The following TBCEL variants were observed in gnomAD, a reference collection of about 807,000 sequenced individuals.
The protein encoded by TBCEL is tubulin-specific chaperone cofactor E-like protein.
TBCEL carries 15 observed loss-of-function variants against 44.2 expected under a neutral mutation model. The observed-to-expected ratio is 0.34, with a 90% CI of 0.23 to 0.52. TBCEL has a LOEUF of 0.52. Among genes scored for constraint, TBCEL ranks in the 20% least tolerant of loss-of-function variants. The pLI is 0.95. For synonymous variants in TBCEL, 171 were observed against 185.4 expected (o/e 0.92, Z 0.63); for missense variants, 319 against 506.3 (o/e 0.63, Z 3.55).
At chr11:121,076,830 C>T (rs1456758050) in intron 8 of TBCEL, among the ~76,000 whole-genome samples, 1 of 151,924 alleles carries the variant, frequency 6.6e-6, no homozygotes, top group Non-Finnish European at 1.5e-5. Context: ...AAGGACATTT[C>T]CTTCTATTCC....
chr11:121,049,809 T>C (rs1945497594), intron 4 of TBCEL, among the ~76,000 whole-genome samples: 1 of 151,802 alleles, frequency 6.6e-6, no homozygotes, highest in South Asian at 2.1e-4. Flanking sequence ...GTGTGTAATA[T>C]GGATCAGTAT....
At chr11:121,044,887 T>C (rs1276993930) in intron 2 of TBCEL, among the ~76,000 whole-genome samples, 2 of 152,088 alleles carry the variant, frequency 1.3e-5, no homozygotes, top group African/African-American at 4.8e-5. Flanking sequence ...AACTAAAAAA[T>C]TGAGAAGAAC....
chr11:121,035,861 A>G (rs1591381132), intron 1 of TBCEL: 1 of 152,344 alleles, frequency 6.6e-6, no homozygotes, highest in African/African-American at 2.4e-5. Flanking sequence ...TAGACCACTC[A>G]GTACTGTTGC....
At chr11:121,055,339 G>A in intron 6 of TBCEL, 31 bp downstream of exon 6, 2 of 1,548,036 alleles carry the variant, frequency 1.3e-6, no homozygotes, top group Non-Finnish European at 8.8e-7. Flanking sequence ...TATTCTACAT[G>A]CAAATTAACC....
At position 121,080,274 on chromosome 11, in the gene TBCEL, C is replaced by T. The variant is rs151307024; in HGVS notation, c.957-6504C>T. 2.8e-4 allele frequency among the ~76,000 whole-genome samples: 42 copies of T among 152,196 alleles called. No homozygotes were observed. The East Asian group carries it at 7.7e-3, about 28-fold the overall frequency. On this transcript the variant is annotated intron_variant, in intron 8 of 8. Coordinates refer to ENST00000683345, the MANE Select transcript of TBCEL (RefSeq NM_001363644.2). ...ATAGCATTACCTAGAGTAAAGACTT[C>T]GGTTGATTCAATGTGTGTCTGCATT...
chr11:121,067,698 C>T (rs977630463), intron 8 of TBCEL, among the ~76,000 whole-genome samples: 3 of 152,112 alleles, frequency 2.0e-5, no homozygotes, highest in Non-Finnish European at 4.4e-5. Flanking sequence ...TATGCTGTTT[C>T]CAGATAAGTT....
At chr11:121,086,702 T>C in intron 8 of TBCEL, 76 bp from the exon 9 acceptor site, 1 of 1,065,492 alleles carries the variant, frequency 9.4e-7, no homozygotes, top group Admixed American at 2.4e-5. Context: ...TAATATTGTT[T>C]ATCTGTAGTT....
intron 2 of TBCEL, among the ~76,000 whole-genome samples, chr11:121,039,946 A>G (rs1467257342): frequency 6.6e-6 from 1 of 152,212 alleles, no homozygotes; most frequent in Non-Finnish European, 1.5e-5. Flanking sequence ...CTTGTCAAAT[A>G]ACTGAAGGTA....
At chr11:121,047,881 A>T in intron 4 of TBCEL, 1 of 377,852 alleles carries the variant, frequency 2.6e-6, no homozygotes. Flanking sequence ...GGATCACTTG[A>T]GCCCAGGAAT....
At chr11:121,054,372 AC>A (rs1472972807) in intron 5 of TBCEL, among the ~76,000 whole-genome samples, 4 of 151,578 alleles carry the variant, frequency 2.6e-5, no homozygotes, top group African/African-American at 9.7e-5. Context: ...TTAATTTCAC[AC>A]TCTAACTCTA....
chr11:121,059,826 T>C, intron 7 of TBCEL, 143 bp from the exon 8 acceptor site: 1 of 606,064 alleles, frequency 1.6e-6, no homozygotes, highest in Non-Finnish European at 2.8e-6. Flanking sequence ...CTTTAGTTCA[T>C]GTCAGTAGTT....
At chr11:121,051,942 T>C (rs1296885846) in intron 4 of TBCEL, among the ~76,000 whole-genome samples, 1 of 151,792 alleles carries the variant, frequency 6.6e-6, no homozygotes, top group East Asian at 1.9e-4. Flanking sequence ...GATTACTTTT[T>C]CTTTCTACCC....
At chr11:121,064,185 G>A (rs568002939) in intron 8 of TBCEL, among the ~76,000 whole-genome samples, 3 of 152,314 alleles carry the variant, frequency 2.0e-5, no homozygotes, top group South Asian at 4.1e-4. Flanking sequence ...AGTTTTGCAA[G>A]TTAGTCACTA....
chr11:121,043,850 G>A (rs113999835), intron 2 of TBCEL, among the ~76,000 whole-genome samples: 2,178 of 151,908 alleles, frequency 0.014, 56 homozygotes, highest in African/African-American at 0.05. Context: ...TTTATATATC[G>A]TAATGGTGTC....
chr11:121,052,934 C>A (rs530164367), intron 4 of TBCEL, among the ~76,000 whole-genome samples: 11 of 151,804 alleles, frequency 7.2e-5, no homozygotes, highest in Admixed American at 5.3e-4. Context: ...TTTTGTCTAC[C>A]AAGTTGCTAG....
intron 2 of TBCEL, among the ~76,000 whole-genome samples, chr11:121,040,098 A>G (rs1020523118): frequency 1.1e-4 from 16 of 152,170 alleles, no homozygotes; most frequent in Admixed American, 6.5e-5. Flanking sequence ...TCAGTTCCCA[A>G]CTATCTACTA....
At chr11:121,078,819 T>G (rs1009984127) in intron 8 of TBCEL, among the ~76,000 whole-genome samples, 2 of 152,350 alleles carry the variant, frequency 1.3e-5, no homozygotes, top group East Asian at 3.9e-4. Flanking sequence ...CTGTTCAGTT[T>G]CTGGTCCATG....
chr11:121,052,115 C>T (rs375463608), intron 4 of TBCEL, among the ~76,000 whole-genome samples: 6 of 151,596 alleles, frequency 4.0e-5, no homozygotes, highest in Non-Finnish European at 7.4e-5. Context: ...TCAGTGATTC[C>T]GATGGGTAGC....
intron 8 of TBCEL, among the ~76,000 whole-genome samples, chr11:121,062,822 TTG>T (rs1404664349): frequency 1.3e-5 from 2 of 152,182 alleles, no homozygotes. Context: ...TGAACTCTTG[TTG>T]TGCTTCATAT....
Sources: allele counts gnomAD v4.1 joint callset (sites outside exome capture counted in the v4.1 genomes callset), GRCh38; gene constraint gnomAD v4.1.1; transcripts MANE v1.5; gene names NCBI Gene and HGNC (gene_info 2026-07-23, HGNC 2026-07-21).